Variants in NAV2 observed in about 807,000 individuals in gnomAD.
The protein encoded by NAV2 is neuron navigator 2.
Under a neutral mutation model 223.2 loss-of-function variants are expected in NAV2, and 54 were observed. The ratio of observed to expected loss-of-function variants is 0.24; its 90% CI spans 0.19 to 0.30. NAV2 has a LOEUF of 0.30. Ranked by LOEUF, NAV2 falls within the 10% of genes least tolerant of loss-of-function variation. NAV2 has a pLI of 1.00. For missense variants in NAV2, 2,806 were observed against 3,147.5 expected (o/e 0.89, Z 2.60); for synonymous variants, 1,279 against 1,239.3 (o/e 1.03, Z -0.67).
intron 1 of NAV2, among the ~76,000 whole-genome samples, chr11:19,452,977 C>G (rs954544770): frequency 2.6e-5 from 4 of 152,206 alleles, no homozygotes; most frequent in Admixed American, 2.6e-4. Context: ...ATCCCCATTT[C>G]ACAGATGTTG....
At chr11:19,568,259 G>A (rs1436722541) in intron 1 of NAV2, among the ~76,000 whole-genome samples, 1 of 152,186 alleles carries the variant, frequency 6.6e-6, no homozygotes, top group Non-Finnish European at 1.5e-5. Flanking sequence ...GTCTTTGGGG[G>A]CTCAGAGATC....
intron 1 of NAV2, among the ~76,000 whole-genome samples, chr11:19,574,961 A>G (rs565317087): frequency 3.2e-4 from 48 of 152,138 alleles, no homozygotes; most frequent in Non-Finnish European, 5.4e-4. Flanking sequence ...AGCACAGGTG[A>G]AGGCCCTGAG....
intron 1 of NAV2, among the ~76,000 whole-genome samples, chr11:19,701,999 C>T (rs973681979): frequency 1.3e-5 from 2 of 152,218 alleles, no homozygotes; most frequent in African/African-American, 4.8e-5. Context: ...TTCCCTTTTA[C>T]ATGTGCCCTG....
chr11:20,089,338 T>A (rs2060666412), intron 26 of NAV2, among the ~76,000 whole-genome samples: 1 of 152,232 alleles, frequency 6.6e-6, no homozygotes, highest in African/African-American at 2.4e-5. Flanking sequence ...ACAGAAACAT[T>A]TGGCTATTCA....
chr11:20,099,946 C>T (rs1158536395), intron 31 of NAV2, among the ~76,000 whole-genome samples: 1 of 152,030 alleles, frequency 6.6e-6, no homozygotes, highest in African/African-American at 2.4e-5. Context: ...TAGGCTTGTC[C>T]CTAGCAGATA....
chr11:19,890,225 C>T (rs2041385790), intron 5 of NAV2, among the ~76,000 whole-genome samples: 1 of 152,160 alleles, frequency 6.6e-6, no homozygotes, highest in South Asian at 2.1e-4. Context: ...TGAGACTGCT[C>T]CAATGTCTTG....
chr11:19,775,097 T>C (rs1426092216), intron 1 of NAV2, among the ~76,000 whole-genome samples: 2 of 152,232 alleles, frequency 1.3e-5, no homozygotes, highest in Non-Finnish European at 2.9e-5. Flanking sequence ...AAAGCTGTGA[T>C]AGAGATATCT....
intron 1 of NAV2, among the ~76,000 whole-genome samples, chr11:19,427,912 C>T (rs1436621025): frequency 6.6e-6 from 1 of 151,526 alleles, no homozygotes; most frequent in Non-Finnish European, 1.5e-5. Flanking sequence ...AGAGCTAATC[C>T]CTTTCTGATA....
At chr11:19,907,524 T>TGG (rs375268258) in intron 6 of NAV2, among the ~76,000 whole-genome samples, 68 of 151,446 alleles carry the variant, frequency 4.5e-4, no homozygotes, top group African/African-American at 1.6e-3. Flanking sequence ...CTGCCACTCA[T>TGG]AGGGGGAGGG....
chr11:19,347,138 A>G (rs1358786676), upstream of NAV2, among the ~76,000 whole-genome samples: 3 of 152,198 alleles, frequency 2.0e-5, no homozygotes, highest in African/African-American at 4.8e-5. Context: ...TGATTTTGCA[A>G]ACTTTGGGAA....
intron 1 of NAV2, among the ~76,000 whole-genome samples, chr11:19,604,029 G>GA (rs2135269089): frequency 6.6e-6 from 1 of 152,298 alleles, no homozygotes; most frequent in African/African-American, 2.4e-5. Context: ...GGCTGGGGGA[G>GA]AGGGAGCAAG....
At chr11:19,900,061 A>T (rs545431198) in intron 6 of NAV2, among the ~76,000 whole-genome samples, 1 of 152,156 alleles carries the variant, frequency 6.6e-6, no homozygotes, top group South Asian at 2.1e-4. Flanking sequence ...CTGTGATGTT[A>T]TTATGACCTT....
chr11:20,116,930 G>A (rs1437302245), intron 37 of NAV2, among the ~76,000 whole-genome samples: 1 of 152,182 alleles, frequency 6.6e-6, no homozygotes, highest in Non-Finnish European at 1.5e-5. Context: ...CACTGGGAGT[G>A]TTTAATGAGT....
chr11:19,597,647 A>G (rs900169051), intron 1 of NAV2, among the ~76,000 whole-genome samples: 1 of 152,262 alleles, frequency 6.6e-6, no homozygotes, highest in African/African-American at 2.4e-5. Flanking sequence ...TAATAACAGT[A>G]AGTCCCAATT....
chr11:19,536,019 C>A (rs906696907), intron 1 of NAV2, among the ~76,000 whole-genome samples: 3 of 152,162 alleles, frequency 2.0e-5, no homozygotes, highest in African/African-American at 7.2e-5. Context: ...TCAACCCAGG[C>A]TCAGAGGGGG....
At chr11:20,082,727 A>C (rs1325565291) in intron 25 of NAV2, 4 of 1,017,758 alleles carry the variant, frequency 3.9e-6, no homozygotes, top group Non-Finnish European at 6.1e-6. Flanking sequence ...TCTTCCCAAC[A>C]TCCATCTGCT....
chr11:20,005,129 C>T (rs2153494405), intron 11 of NAV2, among the ~76,000 whole-genome samples: 1 of 152,158 alleles, frequency 6.6e-6, no homozygotes, highest in Non-Finnish European at 1.5e-5. Context: ...CCCTTTCTGT[C>T]TGTCTTAACA....
intron 1 of NAV2, among the ~76,000 whole-genome samples, chr11:19,600,588 C>T (rs2046326382): frequency 6.6e-6 from 1 of 152,190 alleles, no homozygotes; most frequent in African/African-American, 2.4e-5. Flanking sequence ...GCCAGAATAA[C>T]TGGGTTCAAA....
At chr11:20,011,736 C>T (rs1342532751) in intron 11 of NAV2, among the ~76,000 whole-genome samples, 1 of 152,196 alleles carries the variant, frequency 6.6e-6, no homozygotes, top group African/African-American at 2.4e-5. Flanking sequence ...TGTAGTACAG[C>T]ATGAGCATTT....
Sources: gnomAD v4.1 joint callset for allele counts (sites outside exome capture counted in the v4.1 genomes callset) on GRCh38, gnomAD v4.1.1 for gene constraint, MANE v1.5 for transcripts, NCBI Gene and HGNC (gene_info 2026-07-23, HGNC 2026-07-21) for gene names.